Variants in GABRB1 observed in about 807,000 individuals in gnomAD.
GABRB1 encodes gamma-aminobutyric acid receptor subunit beta-1.
In GABRB1, 17 loss-of-function variants were observed where a neutral mutation model predicts 51.6. The observed-to-expected ratio is 0.33, with a 90% CI of 0.23 to 0.49. The LOEUF (loss-of-function observed/expected upper bound fraction) is 0.49, where lower values mean the gene tolerates loss of function less well. Among genes scored for constraint, GABRB1 ranks in the 20% least tolerant of loss-of-function variants. The pLI is 0.99. For missense variants in GABRB1, 410 were observed against 600.6 expected (o/e 0.68, Z 3.32); for synonymous variants, 247 against 218.9 (o/e 1.13, Z -1.14).
chr4:47,284,097 CA>C (rs780643469), intron 4 of GABRB1, among the ~76,000 whole-genome samples: 1,683 of 48,918 alleles, frequency 0.034, 16 homozygotes, highest in African/African-American at 0.089. Context: ...GACTCAGTCT[CA>C]AAAAAAAAAA....
intron 4 of GABRB1, among the ~76,000 whole-genome samples, chr4:47,240,699 A>G (rs1721489723): frequency 6.6e-6 from 1 of 152,214 alleles, no homozygotes; most frequent in Non-Finnish European, 1.5e-5. Flanking sequence ...TTAAATTTTC[A>G]GTACCTCAGT....
chr4:47,105,400 A>C (rs768396197), intron 3 of GABRB1, among the ~76,000 whole-genome samples: 1 of 152,000 alleles, frequency 6.6e-6, no homozygotes, highest in Non-Finnish European at 1.5e-5. Context: ...CCAGTGGTGT[A>C]GGAACAAGGT....
intron 5 of GABRB1, among the ~76,000 whole-genome samples, chr4:47,358,952 A>G (rs1365583480): frequency 6.6e-6 from 1 of 152,108 alleles, no homozygotes; most frequent in Non-Finnish European, 1.5e-5. Context: ...CCATAACACT[A>G]TTGGAAGCCA....
At chr4:47,095,563 A>G (rs1331781115) in intron 3 of GABRB1, among the ~76,000 whole-genome samples, 2 of 152,214 alleles carry the variant, frequency 1.3e-5, no homozygotes, top group African/African-American at 4.8e-5. Flanking sequence ...AGGCCTGGGA[A>G]AACACTAGGG....
At chr4:47,105,770 C>A (rs1159839333) in intron 3 of GABRB1, among the ~76,000 whole-genome samples, 3 of 152,072 alleles carry the variant, frequency 2.0e-5, no homozygotes, top group Non-Finnish European at 4.4e-5. Context: ...ATTAGGGAGG[C>A]TTTCCCAGTT....
intron 3 of GABRB1, among the ~76,000 whole-genome samples, chr4:47,108,632 A>G (rs1715084673): frequency 6.6e-6 from 1 of 152,102 alleles, no homozygotes. Context: ...TATCATATTA[A>G]TTAGTTTATA....
In GABRB1 at chr4:47,425,870, A is replaced by G. The variant is rs147587936; in HGVS notation, c.1277A>G (p.Lys426Arg). 116 of 1,614,168 alleles carry G rather than the reference A, an allele frequency of 7.2e-5. No individual in the cohort carries two copies. In the African/African-American group the frequency reaches 1.4e-3, roughly 19 times the overall value. ...RALDRHGVPS[K>R]GRIRRRASQL... ...CTGGACCGGCACGGGGTACCCAGCA[A>G]GGGGCGCATCCGCAGGCGTGCCTCC... The change falls in exon 9 of 9, where the codon AAG becomes AGG. Residue 426 changes from lysine (K) to arginine (R), a missense_variant. By Grantham distance (26) the Lys-to-Arg change is conservative. This residue lies in a region of GABRB1 where 181 missense variants were observed against 195.6 expected (regional missense o/e 0.93). Transcript: ENST00000295454.
intron 5 of GABRB1, among the ~76,000 whole-genome samples, chr4:47,346,104 G>T (rs1172548593): frequency 2.0e-5 from 3 of 151,580 alleles, no homozygotes; most frequent in Non-Finnish European, 2.9e-5. Context: ...AAAAGAGAAA[G>T]AATTTGTTTG....
At chr4:47,350,200 TATATATATATATATATATAGAG>T (rs1199887760) in intron 5 of GABRB1, among the ~76,000 whole-genome samples, 1 of 87,736 alleles carries the variant, frequency 1.1e-5, no homozygotes, top group Non-Finnish European at 2.2e-5. Flanking sequence ...TATATATATA[TATATATATATATATATATAGAG>T]AGAGAGAGAG....
Position 47,403,632 on chromosome 4 carries a change from G to T in GABRB1, c.756G>T (p.Met252Ile). 1 of 1,613,914 alleles carries T rather than the reference G, an allele frequency of 6.2e-7. No individual in the cohort carries two copies. The highest frequency in any genetic ancestry group is 8.5e-7 in the Non-Finnish European group (1 of 1,179,916). The change falls in exon 7 of 9, where the codon ATG becomes ATT. Residue 252 changes from methionine to isoleucine, a missense_variant. This residue lies in a region of GABRB1 where 37 missense variants were observed against 126.3 expected (regional missense o/e 0.29). Coordinates refer to ENST00000295454, the MANE Select transcript of GABRB1 (RefSeq NM_000812.4). ...GTTACTTCATTTTGCAAACCTACAT[G>T]CCTTCTACACTGATTACAATTCTGT... ...NIGYFILQTYMPSTLITILSW... is the reference protein window; with the variant it reads ...NIGYFILQTYIPSTLITILSW...
chr4:47,086,480 T>C (rs1377001930), intron 3 of GABRB1, among the ~76,000 whole-genome samples: 1 of 152,160 alleles, frequency 6.6e-6, no homozygotes, highest in South Asian at 2.1e-4. Context: ...ACGTGAACAC[T>C]AGAGAAAGGG....
chr4:47,191,049 T>G (rs1354154629), intron 4 of GABRB1, among the ~76,000 whole-genome samples: 1 of 152,164 alleles, frequency 6.6e-6, no homozygotes, highest in Non-Finnish European at 1.5e-5. Context: ...GCAAAGCATT[T>G]ATGGTCTATT....
intron 4 of GABRB1, among the ~76,000 whole-genome samples, chr4:47,178,229 A>G (rs1718783025): frequency 6.6e-6 from 1 of 152,130 alleles, no homozygotes; most frequent in African/African-American, 2.4e-5. Flanking sequence ...CATCTAATAA[A>G]CACTCAATGA....
At chr4:47,258,371 T>A (rs1722298771) in intron 4 of GABRB1, among the ~76,000 whole-genome samples, 1 of 152,144 alleles carries the variant, frequency 6.6e-6, no homozygotes, top group Non-Finnish European at 1.5e-5. Flanking sequence ...CCTGAGCTTA[T>A]CAGAGATAAG....
chr4:47,084,060 AT>A (rs1727963919), intron 3 of GABRB1, among the ~76,000 whole-genome samples: 1 of 152,196 alleles, frequency 6.6e-6, no homozygotes, highest in Admixed American at 6.6e-5. Context: ...AACTGATCAT[AT>A]TTTTAATCAA....
chr4:47,125,145 C>T (rs907748574), intron 3 of GABRB1, among the ~76,000 whole-genome samples: 2 of 152,056 alleles, frequency 1.3e-5, no homozygotes, highest in Admixed American at 1.3e-4. Flanking sequence ...CAGCAGAGAC[C>T]TTACAGGCTA....
Position 47,103,738 on chromosome 4 carries a change from G to T in GABRB1, c.241-57511G>T, listed in dbSNP as rs1026923208. Among the ~76,000 whole-genome samples, 23 of 151,902 alleles carry T rather than the reference G, an allele frequency of 1.5e-4. 1 individual carries two copies. The highest frequency in any genetic ancestry group is 4.8e-4 in the African/African-American group (20 of 41,488). On this transcript the variant is annotated intron_variant, in intron 3 of 8. Coordinates refer to ENST00000295454, the MANE Select transcript of GABRB1 (RefSeq NM_000812.4). ...ATAATTTTGGGGTCTATAATAGAAA[G>T]TTTGAATAAATTATACAAAATTACC...
At chr4:46,999,445 C>T (rs369272253) in intron 1 of GABRB1, among the ~76,000 whole-genome samples, 25 of 152,128 alleles carry the variant, frequency 1.6e-4, no homozygotes, top group South Asian at 6.2e-4. Context: ...AAATATGTTA[C>T]GTTGTTTGTA....
chr4:47,162,355 T>G (rs1357595522), intron 4 of GABRB1, among the ~76,000 whole-genome samples: 2 of 152,044 alleles, frequency 1.3e-5, no homozygotes, highest in African/African-American at 2.4e-5. Context: ...GGGAGAGTAA[T>G]TCCATGACTC....
Sources: allele counts gnomAD v4.1 joint callset (sites outside exome capture counted in the v4.1 genomes callset), GRCh38; gene constraint gnomAD v4.1.1; regional missense constraint gnomAD v4.1.1; transcripts MANE v1.5; gene names NCBI Gene and HGNC (gene_info 2026-07-23, HGNC 2026-07-21).